The following LRRK2 variants were observed in gnomAD, a reference collection of about 807,000 sequenced individuals.
LRRK2 encodes the protein leucine-rich repeat serine/threonine-protein kinase 2.
Under a neutral mutation model 302.6 loss-of-function variants are expected in LRRK2, and 203 were observed. That is an observed-to-expected ratio of 0.67 (90% CI 0.60 to 0.75). The LOEUF is 0.75. Among genes scored for constraint, LRRK2 ranks in the 30% least tolerant of loss-of-function variants. The pLI is 0.00. For synonymous variants in LRRK2, 1,066 were observed against 1,031.9 expected (o/e 1.03, Z -0.63); for missense variants, 2,830 against 2,951.0 (o/e 0.96, Z 0.95).
In LRRK2 at chr12:40,314,040, A is replaced by T. The variant is rs1175811248; in HGVS notation, c.4605A>T (p.Leu1535Phe). The T allele has an allele frequency of 4.3e-6, 7 of 1,612,460 alleles. No individual in the cohort carries two copies. Among genetic ancestry groups the T allele is most frequent in the Admixed American group, 1.7e-5 (1 of 59,876 alleles). ...DCYVELEKII[L>F]SERKNVPIEF... ...ATGTAGAACTTGAAAAAATCATTTT[A>T]TCGGAGCGTAAAAATGTGCCAATTG... Residue 1535 changes from leucine to phenylalanine, a missense_variant, in exon 32 of 51, where the codon TTA (leucine) becomes TTT (phenylalanine). Transcript: ENST00000298910.
At chr12:40,310,386 C>T (rs1474298208) in intron 30 of LRRK2, 45 bp from the exon 31 acceptor site, 1 of 1,582,608 alleles carries the variant, frequency 6.3e-7, no homozygotes, top group African/African-American at 1.4e-5. Context: ...TGAGCAGGCC[C>T]AGTTTGAAAG....
At chr12:40,233,014 CAAG>C (rs1941274615) in intron 3 of LRRK2, among the ~76,000 whole-genome samples, 1 of 152,108 alleles carries the variant, frequency 6.6e-6, no homozygotes, top group African/African-American at 2.4e-5. Flanking sequence ...AATATTTTCT[CAAG>C]AAGAATGTGT....
chr12:40,353,473 G>A (rs1946431729), intron 44 of LRRK2, among the ~76,000 whole-genome samples: 1 of 148,744 alleles, frequency 6.7e-6, no homozygotes, highest in African/African-American at 2.5e-5. Context: ...ATGGCGGCCG[G>A]GAAGAGGCGC....
chr12:40,235,482 C>A (rs1687257465), intron 3 of LRRK2, 144 bp from the exon 4 acceptor site: 2 of 657,572 alleles, frequency 3.0e-6, no homozygotes, highest in Non-Finnish European at 2.8e-6. Flanking sequence ...TCTCTAAAAG[C>A]AGGCAACAAA....
intron 31 of LRRK2, among the ~76,000 whole-genome samples, chr12:40,313,355 A>G (rs1945097671): frequency 6.6e-6 from 1 of 152,018 alleles, no homozygotes. Flanking sequence ...ATTAGATTCT[A>G]AGAGCAACAG....
intron 19 of LRRK2, among the ~76,000 whole-genome samples, chr12:40,285,763 A>AT (rs1177306117): frequency 6.6e-6 from 1 of 152,056 alleles, no homozygotes; most frequent in African/African-American, 2.4e-5. Context: ...GGAAAAAAAA[A>AT]CGTGGAGCAA....
chr12:40,261,308 G>A (rs747077014), intron 13 of LRRK2, among the ~76,000 whole-genome samples: 110 of 152,038 alleles, frequency 7.2e-4, no homozygotes, highest in Non-Finnish European at 3.1e-4. Context: ...CTCAAAAACC[G>A]TTTCTGTTAG....
chr12:40,285,895 A>G (rs554964154), intron 19 of LRRK2, among the ~76,000 whole-genome samples: 2 of 152,210 alleles, frequency 1.3e-5, no homozygotes, highest in East Asian at 3.9e-4. Flanking sequence ...AAGTTTGAAT[A>G]TGAAATAAAA....
intron 39 of LRRK2, 36 bp from the exon 40 acceptor site, chr12:40,334,931 G>T: frequency 6.2e-7 from 1 of 1,610,916 alleles, no homozygotes; most frequent in South Asian, 1.1e-5. Flanking sequence ...AAAACCTGAT[G>T]TTGAATTACT....
chr12:40,347,006 A>G, intron 42 of LRRK2, 83 bp downstream of exon 42: 1 of 1,107,960 alleles, frequency 9.0e-7, no homozygotes, highest in Non-Finnish European at 1.3e-6. Flanking sequence ...TTGTATGCTT[A>G]ATTCCTTAAA....
In LRRK2 at chr12:40,249,811, T is replaced by C; in HGVS notation, c.839-15T>C. ...CATGGATGAGAATTCAGCTAATGTTTCACTTAACTTTTAGGTAATTTTTTC... is the reference window on the plus strand; with the variant it reads ...CATGGATGAGAATTCAGCTAATGTTCCACTTAACTTTTAGGTAATTTTTTC... On this transcript the variant is annotated splice_polypyrimidine_tract_variant and intron_variant, in intron 7 of 50. Coordinates refer to ENST00000298910, the MANE Select transcript of LRRK2 (RefSeq NM_198578.4). The C allele has an allele frequency of 6.2e-7, 1 of 1,613,222 alleles. No individual in the cohort carries two copies. Among genetic ancestry groups the C allele is most frequent in the Non-Finnish European group, 8.5e-7 (1 of 1,179,384 alleles).
intron 31 of LRRK2, among the ~76,000 whole-genome samples, chr12:40,311,165 A>C (rs984907317): frequency 1.3e-5 from 2 of 151,730 alleles, no homozygotes; most frequent in Non-Finnish European, 2.9e-5. Flanking sequence ...CCGTATTGTG[A>C]GGCAGCTGTT....
In LRRK2 at chr12:40,313,990, G is replaced by T. The variant is rs1390276006; in HGVS notation, c.4555G>T (p.Val1519Phe). The change falls in exon 32 of 51, where the codon GTT (valine) becomes TTT (phenylalanine). Residue 1519 changes from valine to phenylalanine, a missense_variant. Val to Phe is a conservative substitution (Grantham distance 50). Transcript: ENST00000298910. Reference sequence around the variant, plus strand: ...TTCATAGATCCGAGATCAGCTTGTTGTTGGACAGCTGATTCCAGACTGCTA... The same window carrying T: ...TTCATAGATCCGAGATCAGCTTGTTTTTGGACAGCTGATTCCAGACTGCTA... ...LNFKIRDQLV[V>F]GQLIPDCYVE... 1.2e-6 allele frequency: 2 copies of T among 1,611,180 alleles called. No individual in the cohort carries two copies. Among genetic ancestry groups the T allele is most frequent in the Non-Finnish European group, 1.7e-6 (2 of 1,178,506 alleles).
intron 8 of LRRK2, 128 bp from the exon 9 acceptor site, chr12:40,251,104 G>C: frequency 1.9e-6 from 1 of 537,446 alleles, no homozygotes; most frequent in Non-Finnish European, 3.2e-6. Flanking sequence ...CTTTATAATT[G>C]ACCAAGGCTT....
At position 40,323,089 on chromosome 12, in the gene LRRK2, C is replaced by T; in HGVS notation, c.5510-71C>T. 5.2e-6 allele frequency: 7 copies of T among 1,341,218 alleles called. No homozygotes were observed. In the Admixed American group the frequency reaches 7.0e-5, roughly 13 times the overall value. The allele number at this position is 1,341,218 out of a possible 1,614,324, so 83.1% of individuals were successfully genotyped here. On this transcript the variant is annotated intron_variant, in intron 37 of 50. Coordinates refer to ENST00000298910, the MANE Select transcript of LRRK2 (RefSeq NM_198578.4). Reference sequence around the variant, plus strand: ...TAGAAAATATTCCATTATTTTTTCACATCAAAACCACAAATTTATGTATCT... The same window carrying T: ...TAGAAAATATTCCATTATTTTTTCATATCAAAACCACAAATTTATGTATCT...
At chr12:40,252,073 C>T (rs1167011240) in intron 10 of LRRK2, among the ~76,000 whole-genome samples, 2 of 152,000 alleles carry the variant, frequency 1.3e-5, no homozygotes, top group Non-Finnish European at 1.5e-5. Context: ...ATCATAAGAC[C>T]GGCACTCTCT....
intron 18 of LRRK2, among the ~76,000 whole-genome samples, chr12:40,283,044 T>A (rs569094773): frequency 9.9e-5 from 15 of 151,700 alleles, no homozygotes; most frequent in South Asian, 6.2e-4. Context: ...AGGATTTTTT[T>A]AAAAAAAAGA....
Position 40,356,186 on chromosome 12 carries a change from A to C in LRRK2, c.6842A>C (p.Lys2281Thr). ...KLAIFEDKTV[K>T]LKGAAPLKIL... ...GCAATTTTTGAAGATAAGACTGTTA[A>C]GGTAAATGTTGAATGCATTCTACAT... The change falls in exon 46 of 51, where the codon AAG (lysine) becomes ACG (threonine). Residue 2281 changes from lysine (K) to threonine (T), a missense_variant and splice_region_variant. By Grantham distance (78) the Lys-to-Thr change is moderately conservative (BLOSUM62 -1). Transcript: ENST00000298910. The C allele has an allele frequency of 6.2e-7, 1 of 1,608,298 alleles. No homozygotes were observed. Among genetic ancestry groups the C allele is most frequent in the South Asian group, 1.1e-5 (1 of 90,336 alleles).
At chr12:40,269,209 A>T (rs1195791344) in intron 14 of LRRK2, among the ~76,000 whole-genome samples, 1 of 152,200 alleles carries the variant, frequency 6.6e-6, no homozygotes, top group East Asian at 1.9e-4. Context: ...ATTAGACATG[A>T]ATGTTCACTG....
Sources: gnomAD v4.1 joint callset for allele counts (sites outside exome capture counted in the v4.1 genomes callset) on GRCh38, gnomAD v4.1.1 for gene constraint, MANE v1.5 for transcripts, NCBI Gene and HGNC (gene_info 2026-07-23, HGNC 2026-07-21) for gene names.